Variants in PTPRD observed in about 807,000 individuals in gnomAD.
The protein encoded by PTPRD is receptor-type tyrosine-protein phosphatase delta.
Under a neutral mutation model 214.5 loss-of-function variants are expected in PTPRD, and 34 were observed. The observed-to-expected ratio is 0.16, with a 90% CI of 0.12 to 0.21. The LOEUF (loss-of-function observed/expected upper bound fraction) is 0.21, where lower values mean the gene tolerates loss of function less well. Among genes scored for constraint, PTPRD ranks in the 10% least tolerant of loss-of-function variants. PTPRD has a pLI of 1.00. For missense variants in PTPRD, 2,545 were observed against 2,398.7 expected, an observed-to-expected ratio of 1.06 and a Z score of -1.27; for synonymous variants, 1,128 against 845.7, an observed-to-expected ratio of 1.33 and a Z score of -5.79.
intron 2 of PTPRD, among the ~76,000 whole-genome samples, chr9:10,521,592 C>T (rs1001616242): frequency 2.6e-5 from 4 of 152,078 alleles, no homozygotes; most frequent in African/African-American, 7.2e-5. Flanking sequence ...AGAAATCCTT[C>T]GTGAAAATCT....
At chr9:8,907,387 G>T (rs1272255146) in intron 11 of PTPRD, among the ~76,000 whole-genome samples, 1 of 151,516 alleles carries the variant, frequency 6.6e-6, no homozygotes, top group Non-Finnish European at 1.5e-5. Flanking sequence ...GCATGGTGGT[G>T]GTCACCTGTA....
intron 9 of PTPRD, among the ~76,000 whole-genome samples, chr9:9,257,097 C>T (rs1029991482): frequency 1.3e-5 from 2 of 151,760 alleles, no homozygotes; most frequent in African/African-American, 4.8e-5. Flanking sequence ...TTAACTGTGG[C>T]CCATATGTTG....
Position 9,275,172 on chromosome 9 carries a change from ATAATATATATG to A in PTPRD, c.-202-91820_-202-91810del, listed in dbSNP as rs1178693534. On this transcript the variant is annotated intron_variant, in intron 9 of 45. Coordinates refer to ENST00000381196, the MANE Select transcript of PTPRD (RefSeq NM_002839.4). ...AATATATTATATATATAACATATAT[ATAATATATATG>A]TTATATATATATATATTATATATAT... Among the ~76,000 whole-genome samples, 52 of 36,098 alleles carry A rather than the reference ATAATATATATG, an allele frequency of 1.4e-3. 1 individual carries two copies. The South Asian group carries it at 0.019, about 13-fold the overall frequency. 23.7% of individuals were successfully genotyped at this position (36,098 alleles called of 152,430 possible).
At chr9:10,002,753 C>G (rs2096360318) in intron 4 of PTPRD, among the ~76,000 whole-genome samples, 1 of 149,858 alleles carries the variant, frequency 6.7e-6, no homozygotes, top group South Asian at 2.1e-4. Flanking sequence ...TACTGTCATA[C>G]TTCACTTTCA....
chr9:8,946,114 C>T (rs921038773), intron 11 of PTPRD, among the ~76,000 whole-genome samples: 1 of 152,120 alleles, frequency 6.6e-6, no homozygotes, highest in Admixed American at 6.6e-5. Context: ...GTCTATTACA[C>T]AATATAAAAT....
chr9:9,787,287 A>G (rs917145346), intron 5 of PTPRD, among the ~76,000 whole-genome samples: 1 of 152,040 alleles, frequency 6.6e-6, no homozygotes, highest in Non-Finnish European at 1.5e-5. Context: ...TGGGTGGTAG[A>G]GAGTGCTACC....
At chr9:9,843,282 C>T (rs768685016) in intron 5 of PTPRD, among the ~76,000 whole-genome samples, 6 of 151,864 alleles carry the variant, frequency 4.0e-5, no homozygotes, top group South Asian at 2.1e-4. Flanking sequence ...GACTTGGTTC[C>T]GGGCTTTATA....
chr9:9,876,301 A>G (rs2066849370), intron 5 of PTPRD, among the ~76,000 whole-genome samples: 1 of 152,168 alleles, frequency 6.6e-6, no homozygotes, highest in Non-Finnish European at 1.5e-5. Flanking sequence ...ATCCTACTAA[A>G]TGAAACAATC....
chr9:8,642,856 C>A (rs547333502), intron 12 of PTPRD, among the ~76,000 whole-genome samples: 1 of 152,298 alleles, frequency 6.6e-6, no homozygotes, highest in East Asian at 1.9e-4. Flanking sequence ...GACAGACAAC[C>A]TGCCCAAGTC....
At chr9:9,684,760 G>A (rs760026004) in intron 7 of PTPRD, among the ~76,000 whole-genome samples, 3 of 150,792 alleles carry the variant, frequency 2.0e-5, no homozygotes, top group African/African-American at 4.9e-5. Flanking sequence ...GGGATTATTC[G>A]CTCTAATTCA....
At chr9:9,705,387 T>C (rs952532359) in intron 7 of PTPRD, among the ~76,000 whole-genome samples, 6 of 152,220 alleles carry the variant, frequency 3.9e-5, no homozygotes, top group African/African-American at 7.2e-5. Context: ...TTTTGAAATA[T>C]GATTATGTTG....
chr9:10,284,772 G>A (rs2095284629), intron 3 of PTPRD, among the ~76,000 whole-genome samples: 1 of 148,168 alleles, frequency 6.7e-6, no homozygotes, highest in African/African-American at 2.6e-5. Flanking sequence ...ATTCTGCAAG[G>A]CCAGGAGGAG....
At chr9:10,434,017 AATT>A (rs2098700943) in intron 2 of PTPRD, among the ~76,000 whole-genome samples, 1 of 151,856 alleles carries the variant, frequency 6.6e-6, no homozygotes, top group Non-Finnish European at 1.5e-5. Context: ...AATTATAAAC[AATT>A]ATTATGCAAC....
At chr9:8,527,242 A>C in intron 16 of PTPRD, 103 bp downstream of exon 16, 1 of 1,244,036 alleles carries the variant, frequency 8.0e-7, no homozygotes, top group East Asian at 2.5e-5. Flanking sequence ...GTCTACACTG[A>C]CAGTTAGTAA....
chr9:10,416,594 T>G (rs1408470216), intron 2 of PTPRD, among the ~76,000 whole-genome samples: 2 of 151,872 alleles, frequency 1.3e-5, no homozygotes, highest in Non-Finnish European at 2.9e-5. Flanking sequence ...GTGAAAATTG[T>G]CAAATATAAG....
chr9:9,824,485 T>C (rs1488866242), intron 5 of PTPRD, among the ~76,000 whole-genome samples: 1 of 152,004 alleles, frequency 6.6e-6, no homozygotes, highest in Non-Finnish European at 1.5e-5. Context: ...CAGCTTTATA[T>C]TACTTCTGTA....
intron 7 of PTPRD, among the ~76,000 whole-genome samples, chr9:9,715,709 C>G (rs1354820710): frequency 1.3e-5 from 2 of 152,124 alleles, no homozygotes; most frequent in African/African-American, 4.8e-5. Context: ...TAACAATGAG[C>G]TCTTTCACTT....
intron 2 of PTPRD, among the ~76,000 whole-genome samples, chr9:10,521,388 G>A (rs538164768): frequency 2.6e-5 from 4 of 152,264 alleles, no homozygotes; most frequent in South Asian, 2.1e-4. Flanking sequence ...TGGATGAGCC[G>A]AGGAAGTGGT....
intron 11 of PTPRD, among the ~76,000 whole-genome samples, chr9:8,867,179 T>C (rs1428008866): frequency 6.6e-6 from 1 of 152,114 alleles, no homozygotes; most frequent in African/African-American, 2.4e-5. Context: ...CTCCCTCCCT[T>C]CTTCTCTTTC....
Sources: gnomAD v4.1 joint callset for allele counts (sites outside exome capture counted in the v4.1 genomes callset) on GRCh38, gnomAD v4.1.1 for gene constraint, MANE v1.5 for transcripts, NCBI Gene and HGNC (gene_info 2026-07-23, HGNC 2026-07-21) for gene names.